TBL3: variants seen among roughly 807,000 people sequenced by gnomAD.
TBL3 encodes transducin beta like 3.
In TBL3, 71 loss-of-function variants were observed where a neutral mutation model predicts 102.7. That is an observed-to-expected ratio of 0.69 (90% CI 0.57 to 0.84). TBL3 has a LOEUF of 0.84. TBL3 is among the 40% of genes least tolerant of loss of function. The pLI is 0.00. For synonymous variants in TBL3, 578 were observed against 477.7 expected (o/e 1.21, Z -2.74); for missense variants, 1,188 against 1,098.5 (o/e 1.08, Z -1.15).
Position 1,974,928 on chromosome 16 carries a change from C to A in TBL3, c.465C>A (p.His155Gln). The A allele has an allele frequency of 6.2e-7, 1 of 1,611,906 alleles. No homozygotes were observed. The highest frequency in any genetic ancestry group is 8.5e-7 in the Non-Finnish European group (1 of 1,179,910). Reference sequence around the variant, plus strand: ...CCCATCCTGTCCCGTCCGCCCACAGCCTAGTGGCCTTCCACCCGGACCCTA... The same window carrying A: ...CCCATCCTGTCCCGTCCGCCCACAGACTAGTGGCCTTCCACCCGGACCCTA... The part of the protein sequence containing the change: ...HHFRGSPGVV[H>Q]LVAFHPDPTR... Residue 155 changes from histidine (H) to glutamine (Q), a missense_variant and splice_region_variant, in exon 7 of 22, where the codon CAC (histidine) becomes CAA (glutamine). By Grantham distance (24) the His-to-Gln change is conservative (BLOSUM62 0). Transcript: ENST00000568546.
Position 1,975,714 on chromosome 16 carries a change from C to A in TBL3, c.987+4C>A. ...CTCCCTGCGGCTGCAGAAACAGGTG[C>A]ACACCTGCCCTTGCTCAGTCTGGAG... On this transcript the variant is annotated splice_donor_region_variant and intron_variant, in intron 10 of 21. Transcript: ENST00000568546. 1 of 1,611,926 alleles carries A rather than the reference C, an allele frequency of 6.2e-7. No homozygotes were observed.
In TBL3 at chr16:1,978,057, C is replaced by A; in HGVS notation, c.2058C>A (p.Ile686=). ...LDRPHTVLTV[I]QAIRRDPEAC... is the part of the protein sequence containing the mutation. Reference sequence around the variant, plus strand: ...GGCCCCACACCGTGCTGACTGTCATCCAGGGTCAGTGCCCACCCCGGGGGG... The same window carrying A: ...GGCCCCACACCGTGCTGACTGTCATACAGGGTCAGTGCCCACCCCGGGGGG... The change falls in exon 19 of 22, where the codon ATC becomes ATA. Residue 686 remains isoleucine (I), a synonymous_variant. Transcript: ENST00000568546. 6.2e-7 allele frequency: 1 copy of A among 1,604,410 alleles called. No individual in the cohort carries two copies. The highest frequency in any genetic ancestry group is 1.7e-5 in the Admixed American group (1 of 59,332).
chr16:1,975,027 G>T lies in TBL3; in HGVS notation c.564G>T (p.Leu188=). The change falls in exon 7 of 22, where the codon CTG becomes CTT. Residue 188 remains leucine, a synonymous_variant. Coordinates refer to ENST00000568546, the MANE Select transcript of TBL3 (RefSeq NM_006453.3). ...RVWSLQDRSC[L]AVLTAHYSAV... ...GGTCACTGCAGGACCGGTCATGCCT[G>T]GCTGTGCTGACTGCCCACTACAGCG... 6.2e-7 allele frequency: 1 copy of T among 1,607,222 alleles called. No individual in the cohort carries two copies.
In TBL3 at chr16:1,975,647, C is replaced by T. The variant is rs1233810717; in HGVS notation, c.924C>T (p.Leu308=). Reference sequence around the variant, plus strand: ...TGGCACACACCGCCGGCGTGGTCCTCACCGCCACCGCCGACCACAACCTGT... The same window carrying T: ...TGGCACACACCGCCGGCGTGGTCCTTACCGCCACCGCCGACCACAACCTGT... ...CTLAHTAGVV[L]TATADHNLLL... is the part of the protein sequence containing the mutation. The change falls in exon 10 of 22, where the codon CTC becomes CTT. Residue 308 remains leucine (L), a synonymous_variant. Coordinates refer to ENST00000568546, the MANE Select transcript of TBL3 (RefSeq NM_006453.3). The T allele has an allele frequency of 1.9e-6, 3 of 1,606,086 alleles. No individual in the cohort carries two copies. The highest frequency in any genetic ancestry group is 2.2e-5 in the East Asian group (1 of 44,898).
In TBL3 at chr16:1,978,784, C is replaced by G; in HGVS notation, c.*99C>G. 6.9e-7 allele frequency: 1 copy of G among 1,442,390 alleles called. No homozygotes were observed. Among genetic ancestry groups the G allele is most frequent in the Non-Finnish European group, 9.4e-7 (1 of 1,064,358 alleles). The allele number at this position is 1,442,390 out of a possible 1,614,324, so 89.3% of individuals were successfully genotyped here. On this transcript the variant is annotated 3_prime_UTR_variant, in exon 22 of 22. Coordinates refer to ENST00000568546, the MANE Select transcript of TBL3 (RefSeq NM_006453.3). ...TCTCTCTGGACTGCAGTCCAGCCCCCCACCCTGGCCAACACCCTACCTAGC... is the reference window on the plus strand; with the variant it reads ...TCTCTCTGGACTGCAGTCCAGCCCCGCACCCTGGCCAACACCCTACCTAGC...
At position 1,979,719 on chromosome 16, in the gene TBL3, G is replaced by T. The variant is rs868000968; in HGVS notation, c.*1034G>T. 2.3e-6 allele frequency: 3 copies of T among 1,313,034 alleles called. No homozygotes were observed. Among genetic ancestry groups the T allele is most frequent in the Non-Finnish European group, 3.1e-6 (3 of 969,980 alleles). The allele number at this position is 1,313,034 out of a possible 1,614,324, so 81.3% of individuals were successfully genotyped here. On this transcript the variant is annotated 3_prime_UTR_variant, in exon 22 of 22. Transcript: ENST00000568546. The stretch of plus-strand genomic sequence containing the variant: ...GGGCTCCTGGCCCGCCCTGCCCGCG[G>T]TGCTTCTGGCCCAGTCTTGCCACAC...
rs775616711 is a variant in TBL3, at chr16:1,974,526, A to G, written c.238-12A>G. 1.3e-6 allele frequency: 2 copies of G among 1,598,136 alleles called. No individual in the cohort carries two copies. The highest frequency in any genetic ancestry group is 8.5e-7 in the Non-Finnish European group (1 of 1,170,334). On this transcript the variant is annotated splice_polypyrimidine_tract_variant and intron_variant, in intron 4 of 21. Coordinates refer to ENST00000568546, the MANE Select transcript of TBL3 (RefSeq NM_006453.3). ...TATTGCTGCCCCTCTGCTGACCTGTACCCTCCCCCAGGTGCTGGTGACAGC... is the reference window on the plus strand; with the variant it reads ...TATTGCTGCCCCTCTGCTGACCTGTGCCCTCCCCCAGGTGCTGGTGACAGC...
At position 1,979,399 on chromosome 16, in the gene TBL3, C is replaced by T; in HGVS notation, c.*714C>T. On this transcript the variant is annotated 3_prime_UTR_variant, in exon 22 of 22. Transcript: ENST00000568546. ...GGCCCCGCCCGCCTCGGCTAGCCTG[C>T]CCTGCCCACGCCCGCTCCCGCGTAC... The T allele has an allele frequency of 6.2e-7, 1 of 1,601,058 alleles. No individual in the cohort carries two copies. Among genetic ancestry groups the T allele is most frequent in the Admixed American group, 1.7e-5 (1 of 59,706 alleles).
chr16:1,980,425 T>C lies in TBL3; in HGVS notation c.*1740T>C. ...GGTTGCGGTGCGAAGAAGCCAGTGA[T>C]CGTCGGGCTCCGTGCCACGCGCTCT... On this transcript the variant is annotated 3_prime_UTR_variant, in exon 22 of 22. Transcript: ENST00000568546. 2 of 1,602,592 alleles carry C rather than the reference T, an allele frequency of 1.2e-6. No homozygotes were observed. Among genetic ancestry groups the C allele is most frequent in the South Asian group, 2.2e-5 (2 of 91,058 alleles).
Position 1,974,483 on chromosome 16 carries a change from A to G in TBL3, c.238-55A>G, listed in dbSNP as rs2083383351. 1.4e-5 allele frequency: 23 copies of G among 1,587,080 alleles called. No homozygotes were observed. In the South Asian group the frequency reaches 2.5e-4, roughly 17 times the overall value. ...AGCGCCTCCCTCCCAGACTGAGTCC[A>G]GGAAGATGTGAGCAGGGTATTGCTG... On this transcript the variant is annotated intron_variant, in intron 4 of 21. Transcript: ENST00000568546.
rs111267512 is a variant in TBL3, at chr16:1,980,158, T to G, written c.*1473T>G. ...CGCAGCGCGAGAAAGAGGCTGCTCC[T>G]CTGGGGTGGGCAGGATCACCCGGCT... On this transcript the variant is annotated 3_prime_UTR_variant, in exon 22 of 22. Transcript: ENST00000568546. The G allele has an allele frequency of 1.2e-6, 2 of 1,604,142 alleles. No homozygotes were observed.
Position 1,974,662 on chromosome 16 carries a change from C to T in TBL3, c.362C>T (p.Ser121Phe). ...PVATMAFDPT[S>F]TLLATGGCDG... ...GCCACCATGGCCTTCGACCCCACCT[C>T]CACTCTGCTAGCCACAGGTAGGGCC... Residue 121 changes from serine to phenylalanine, a missense_variant, in exon 5 of 22, where the codon TCC becomes TTC. Transcript: ENST00000568546. 6.2e-7 allele frequency: 1 copy of T among 1,609,026 alleles called. No individual in the cohort carries two copies. The highest frequency in any genetic ancestry group is 8.5e-7 in the Non-Finnish European group (1 of 1,176,954).
Position 1,979,519 on chromosome 16 carries a change from C to T in TBL3, c.*834C>T, listed in dbSNP as rs778237732. The T allele has an allele frequency of 1.5e-5, 24 of 1,611,146 alleles. No individual in the cohort carries two copies. In the East Asian group the frequency reaches 4.2e-4, roughly 28 times the overall value. ...TCATCTGCGCGGCTGCTCTCGTAGGCGCGGGAAGCACAGAACTGGGGACCT... is the reference window on the plus strand; with the variant it reads ...TCATCTGCGCGGCTGCTCTCGTAGGTGCGGGAAGCACAGAACTGGGGACCT... On this transcript the variant is annotated 3_prime_UTR_variant, in exon 22 of 22. Transcript: ENST00000568546.
chr16:1,979,817 C>A lies in TBL3; in HGVS notation c.*1132C>A. On this transcript the variant is annotated 3_prime_UTR_variant, in exon 22 of 22. Coordinates refer to ENST00000568546, the MANE Select transcript of TBL3 (RefSeq NM_006453.3). Reference sequence around the variant, plus strand: ...CTGCTCCCTAGGGACGGGCCTCCCTCCCGGCCTTGGCCCGGGGCCGCCTCC... The same window carrying A: ...CTGCTCCCTAGGGACGGGCCTCCCTACCGGCCTTGGCCCGGGGCCGCCTCC... The A allele has an allele frequency of 1.3e-6, 2 of 1,564,810 alleles. No homozygotes were observed. Among genetic ancestry groups the A allele is most frequent in the Non-Finnish European group, 1.7e-6 (2 of 1,156,630 alleles).
rs1480152642 is a variant in TBL3 at position 1,980,981 on chromosome 16, G to T, written c.*2296G>T. On this transcript the variant is annotated 3_prime_UTR_variant, in exon 22 of 22. Coordinates refer to ENST00000568546, the MANE Select transcript of TBL3 (RefSeq NM_006453.3). The stretch of plus-strand genomic sequence containing the variant: ...CGTCCCAACTCCTGCGCACGAAGGT[G>T]TCGCTGCCGTCTGACCAGCGCACAG... 6 of 1,613,136 alleles carry T rather than the reference G, an allele frequency of 3.7e-6. No individual in the cohort carries two copies. The highest frequency in any genetic ancestry group is 1.1e-5 in the South Asian group (1 of 91,096).
chr16:1,977,614 C>G lies in TBL3; in HGVS notation c.1843C>G (p.Arg615Gly), dbSNP rs574487347. The G allele has an allele frequency of 6.4e-7, 1 of 1,558,304 alleles. No individual in the cohort carries two copies. Among genetic ancestry groups the G allele is most frequent in the African/African-American group, 1.4e-5 (1 of 73,306 alleles). ...EDKVWGLHCS[R>G]LDDHALTGAS... ...CAAGGTCTGGGGGCTGCACTGCAGCCGGCTGGACGACCACGCCCTCACTGG... is the reference window on the plus strand; with the variant it reads ...CAAGGTCTGGGGGCTGCACTGCAGCGGGCTGGACGACCACGCCCTCACTGG... The change falls in exon 17 of 22, where the codon CGG (arginine) becomes GGG (glycine). Residue 615 changes from arginine (R) to glycine (G), a missense_variant. Transcript: ENST00000568546.
rs1171453386 is a variant in TBL3 at position 1,980,592 on chromosome 16, C to T, written c.*1907C>T. 8 of 1,592,280 alleles carry T rather than the reference C, an allele frequency of 5.0e-6. No individual in the cohort carries two copies. The highest frequency in any genetic ancestry group is 6.8e-6 in the Non-Finnish European group (8 of 1,168,106). ...CTGTGATACGCCGCTTTGGGCTTCA[C>T]TGGTCCCTGGCGCCCCCAGGCAAGC... is the stretch of plus-strand genomic sequence containing the variant. On this transcript the variant is annotated 3_prime_UTR_variant, in exon 22 of 22. Transcript: ENST00000568546.
chr16:1,980,792 G>A lies in TBL3; in HGVS notation c.*2107G>A. The A allele has an allele frequency of 6.6e-7, 1 of 1,519,102 alleles. No individual in the cohort carries two copies. Among genetic ancestry groups the A allele is most frequent in the Non-Finnish European group, 9.0e-7 (1 of 1,113,740 alleles). The allele number at this position is 1,519,102 out of a possible 1,614,324, so 94.1% of individuals were successfully genotyped here. A position where few individuals can be genotyped will look rare whatever the true frequency, so the allele number is the denominator to read the frequency against. ...CCCACTGTGCACCCTTGAGAGGGCG[G>A]GGTCCCTCACCCGGATGGCAGGGGC... On this transcript the variant is annotated 3_prime_UTR_variant, in exon 22 of 22. Coordinates refer to ENST00000568546, the MANE Select transcript of TBL3 (RefSeq NM_006453.3).
At position 1,980,150 on chromosome 16, in the gene TBL3, G is replaced by A. The variant is rs1239360814; in HGVS notation, c.*1465G>A. ...AGGCGGCCCGCAGCGCGAGAAAGAG[G>A]CTGCTCCTCTGGGGTGGGCAGGATC... On this transcript the variant is annotated 3_prime_UTR_variant, in exon 22 of 22. Coordinates refer to ENST00000568546, the MANE Select transcript of TBL3 (RefSeq NM_006453.3). The A allele has an allele frequency of 2.6e-5, 42 of 1,605,226 alleles. No individual in the cohort carries two copies. The highest frequency in any genetic ancestry group is 3.5e-5 in the Non-Finnish European group (41 of 1,178,278).
Sources: allele counts gnomAD v4.1 joint callset, GRCh38; gene constraint gnomAD v4.1.1; transcripts MANE v1.5; gene names NCBI Gene and HGNC (gene_info 2026-07-23, HGNC 2026-07-21).